The following OPCML variants were observed in gnomAD, a reference collection of about 807,000 sequenced individuals.
OPCML encodes the protein opioid-binding protein/cell adhesion molecule.
A neutral mutation model predicts 37.8 loss-of-function variants in OPCML; 13 were observed. The ratio of observed to expected loss-of-function variants is 0.34; its 90% CI spans 0.22 to 0.55. The LOEUF is 0.55. Among genes scored for constraint, OPCML ranks in the 20% least tolerant of loss-of-function variants. The pLI, the probability that OPCML is intolerant of heterozygous loss-of-function variation, is 0.91. For missense variants in OPCML, 341 were observed against 435.6 expected, an observed-to-expected ratio of 0.78 and a Z score of 1.93; for synonymous variants, 176 against 168.8, an observed-to-expected ratio of 1.04 and a Z score of -0.33.
rs573027239 is a variant in OPCML, at chr11:133,126,154, G to A, written c.62-183144C>T. On this transcript the variant is annotated intron_variant, in intron 1 of 7. Coordinates refer to ENST00000524381, the MANE Select transcript of OPCML (RefSeq NM_001012393.5). ...TCACATAGAGGTTGAAAAGTGCCAC[G>A]TTCTGTTGGAGAACCAGAAAAGCAG... is the stretch of plus-strand genomic sequence containing the variant. Among the ~76,000 whole-genome samples, 3 of 151,834 alleles carry A rather than the reference G, an allele frequency of 2.0e-5. No individual in the cohort carries two copies. The East Asian group carries it at 5.8e-4, about 29-fold the overall frequency.
chr11:132,436,798 C>A lies in OPCML; in HGVS notation c.644-19G>T, dbSNP rs761648096. 1 of 1,613,028 alleles carries A rather than the reference C, an allele frequency of 6.2e-7. No individual in the cohort carries two copies. The highest frequency in any genetic ancestry group is 8.5e-7 in the Non-Finnish European group (1 of 1,179,180). On this transcript the variant is annotated intron_variant, in intron 5 of 7. Transcript: ENST00000524381. ...GGAGGATCTGTGGGAAACACACACACACACATGCACAGGCATGCACGCACG... is the reference window on the plus strand; with the variant it reads ...GGAGGATCTGTGGGAAACACACACAAACACATGCACAGGCATGCACGCACG...
intron 4 of OPCML, among the ~76,000 whole-genome samples, chr11:132,510,085 A>G (rs10894568): frequency 0.2 from 30,455 of 152,162 alleles, 3,137 homozygotes; most frequent in Non-Finnish European, 0.22. Context: ...TGACCTGGAA[A>G]TGAGACCTGG....
intron 3 of OPCML, among the ~76,000 whole-genome samples, chr11:132,621,516 A>T (rs1009876308): frequency 6.6e-6 from 1 of 152,226 alleles, no homozygotes; most frequent in Non-Finnish European, 1.5e-5. Flanking sequence ...TATCACAGAT[A>T]TTATGTTGAG....
intron 1 of OPCML, among the ~76,000 whole-genome samples, chr11:133,377,600 T>C (rs4073608): frequency 2.4e-5 from 1 of 41,552 alleles, no homozygotes; most frequent in African/African-American, 1.2e-4. Flanking sequence ...CTCTCTGACG[T>C]GCCAGTATTC....
rs1270105946 is a variant in OPCML at position 132,943,430 on chromosome 11, C to T, written c.62-420G>A. On this transcript the variant is annotated intron_variant, in intron 1 of 7. Coordinates refer to ENST00000524381, the MANE Select transcript of OPCML (RefSeq NM_001012393.5). This position sits in a 1 kb window ranked among gnomAD's most constrained non-coding sequence, Gnocchi z 4.3. Reference sequence around the variant, plus strand: ...GTCACAGATTGCGCTTTCTCTGCCTCTCTCTTCGAGACGCTACTTTAAGAT... The same window carrying T: ...GTCACAGATTGCGCTTTCTCTGCCTTTCTCTTCGAGACGCTACTTTAAGAT... The T allele has an allele frequency of 6.3e-5, 23 of 367,034 alleles. No homozygotes were observed. The highest frequency in any genetic ancestry group is 1.2e-4 in the Non-Finnish European group (23 of 196,466). 22.7% of individuals were successfully genotyped at this position (367,034 alleles called of 1,614,324 possible).
intron 1 of OPCML, among the ~76,000 whole-genome samples, chr11:132,984,465 TTC>T (rs1253525922): frequency 6.6e-6 from 1 of 152,220 alleles, no homozygotes; most frequent in Admixed American, 6.5e-5. Context: ...GCAATATTTA[TTC>T]TCTTTTTTAT....
At chr11:133,403,642 A>G (rs1182083537) in intron 1 of OPCML, among the ~76,000 whole-genome samples, 1 of 152,324 alleles carries the variant, frequency 6.6e-6, no homozygotes, top group Non-Finnish European at 1.5e-5. Context: ...CATTTACTGC[A>G]TTGTTCAGGG....
intron 2 of OPCML, among the ~76,000 whole-genome samples, chr11:132,720,620 G>T (rs1328959235): frequency 1.3e-5 from 2 of 152,098 alleles, no homozygotes; most frequent in Non-Finnish European, 2.9e-5. Context: ...TAATTGGCTC[G>T]CTATTTACCC....
intron 1 of OPCML, among the ~76,000 whole-genome samples, chr11:132,963,018 G>A (rs562886146): frequency 2.0e-5 from 3 of 152,208 alleles, no homozygotes; most frequent in East Asian, 1.9e-4. Context: ...ACCTGCAGCC[G>A]TGAAGCCTGA....
chr11:132,547,771 G>A (rs1231310201), intron 3 of OPCML, among the ~76,000 whole-genome samples: 3 of 152,240 alleles, frequency 2.0e-5, no homozygotes, highest in South Asian at 2.1e-4. Context: ...CATCAAGAAT[G>A]TTGTCTGCCA....
intron 1 of OPCML, among the ~76,000 whole-genome samples, chr11:133,240,020 T>G (rs114095504): frequency 0.011 from 1,637 of 151,954 alleles, 22 homozygotes; most frequent in African/African-American, 0.035. Flanking sequence ...ATTTGCCAAA[T>G]CAAGGAAATG....
intron 3 of OPCML, among the ~76,000 whole-genome samples, chr11:132,613,337 G>A (rs944531160): frequency 2.6e-5 from 4 of 152,164 alleles, no homozygotes; most frequent in Admixed American, 6.5e-5. Flanking sequence ...AATCTAAATC[G>A]GGACATCCTC....
chr11:132,881,859 T>G (rs1403163572), intron 2 of OPCML, among the ~76,000 whole-genome samples: 1 of 152,160 alleles, frequency 6.6e-6, no homozygotes, highest in Non-Finnish European at 1.5e-5. Flanking sequence ...CTACCACATT[T>G]CCCCCTTCTC....
chr11:133,200,312 G>A (rs1160546443), intron 1 of OPCML, among the ~76,000 whole-genome samples: 1 of 149,310 alleles, frequency 6.7e-6, no homozygotes, highest in Non-Finnish European at 1.5e-5. Flanking sequence ...TTAGTAAGAG[G>A]AGAGTGGTTT....
chr11:133,425,662 T>C (rs982671086), intron 1 of OPCML, among the ~76,000 whole-genome samples: 1 of 152,184 alleles, frequency 6.6e-6, no homozygotes, highest in Non-Finnish European at 1.5e-5. Context: ...GTGCCACCCC[T>C]ATATTATCAC....
At chr11:132,674,965 C>A (rs1370655314) in intron 2 of OPCML, among the ~76,000 whole-genome samples, 1 of 152,012 alleles carries the variant, frequency 6.6e-6, no homozygotes, top group African/African-American at 2.4e-5. Flanking sequence ...TTCCACTTAC[C>A]GTTTTTAAAT....
At chr11:132,743,180 A>G (rs1368243566) in intron 2 of OPCML, among the ~76,000 whole-genome samples, 2 of 152,186 alleles carry the variant, frequency 1.3e-5, no homozygotes, top group Non-Finnish European at 2.9e-5. Flanking sequence ...GAGCAGAGCC[A>G]AGGTCTTTTT....
chr11:133,135,596 C>T (rs1383183138), intron 1 of OPCML, among the ~76,000 whole-genome samples: 2 of 152,090 alleles, frequency 1.3e-5, no homozygotes, highest in Non-Finnish European at 2.9e-5. Context: ...ATTTATAGTA[C>T]TTTTAAAAGT....
chr11:133,517,803 G>C (rs893749239), intron 1 of OPCML, among the ~76,000 whole-genome samples: 7 of 152,242 alleles, frequency 4.6e-5, no homozygotes, highest in Admixed American at 2.0e-4. Context: ...TTCTGAGCCA[G>C]AGTGAGTGAA....
Sources: gnomAD v4.1 joint callset for allele counts (sites outside exome capture counted in the v4.1 genomes callset) on GRCh38, gnomAD v4.1.1 for gene constraint, Gnocchi (gnomAD v3.1) non-coding constraint, MANE v1.5 for transcripts, NCBI Gene and HGNC (gene_info 2026-07-23, HGNC 2026-07-21) for gene names.